ZNF521: variants seen among roughly 807,000 people sequenced by gnomAD.
The protein encoded by ZNF521 is LYST-interacting protein 3.
In ZNF521, 14 loss-of-function variants were observed where a neutral mutation model predicts 105.5. The observed-to-expected ratio is 0.13, with a 90% CI of 0.09 to 0.21. ZNF521 has a LOEUF of 0.21. Ranked by LOEUF, ZNF521 falls within the 10% of genes least tolerant of loss-of-function variation. ZNF521 has a pLI of 1.00. For missense variants in ZNF521, 1,233 were observed against 1,629.7 expected (o/e 0.76, Z 4.19); for synonymous variants, 635 against 606.0 (o/e 1.05, Z -0.70).
chr18:25,112,748 C>G (rs746378202), intron 5 of ZNF521, among the ~76,000 whole-genome samples: 1 of 152,142 alleles, frequency 6.6e-6, no homozygotes, highest in African/African-American at 2.4e-5. Context: ...ACAGCCTGTT[C>G]GTGTCTAACT....
rs143819136 is a variant in ZNF521 at position 25,283,063 on chromosome 18, C to T, written c.220+38945G>A. Reference sequence around the variant, plus strand: ...GCTTTGTGCAGGAAGCAGCTGGTACCTCTTTCTGTGTAATGGATGGGACAA... The same window carrying T: ...GCTTTGTGCAGGAAGCAGCTGGTACTTCTTTCTGTGTAATGGATGGGACAA... On this transcript the variant is annotated intron_variant, in intron 3 of 7. Transcript: ENST00000361524. Among the ~76,000 whole-genome samples, 66 of 152,346 alleles carry T rather than the reference C, an allele frequency of 4.3e-4. 1 individual carries two copies. The East Asian group carries it at 0.013, about 29-fold the overall frequency.
In ZNF521 at chr18:25,184,960, T is replaced by C. The variant is rs551168873; in HGVS notation, c.3658+10200A>G. 6.9e-4 allele frequency among the ~76,000 whole-genome samples: 105 copies of C among 152,324 alleles called. 1 individual carries two copies. The highest frequency in any genetic ancestry group is 3.4e-3 in the Middle Eastern group (1 of 294). Reference sequence around the variant, plus strand: ...TCCACATTATTTTGCTATTAGTTACTGGGTAAAAACAGTAGACCAGGGGCG... The same window carrying C: ...TCCACATTATTTTGCTATTAGTTACCGGGTAAAAACAGTAGACCAGGGGCG... On this transcript the variant is annotated intron_variant, in intron 5 of 7. Coordinates refer to ENST00000361524, the MANE Select transcript of ZNF521 (RefSeq NM_015461.3).
intron 3 of ZNF521, among the ~76,000 whole-genome samples, chr18:25,294,010 CAATCTTAAAA>C (rs1911181379): frequency 6.6e-6 from 1 of 152,226 alleles, no homozygotes; most frequent in South Asian, 2.1e-4. Flanking sequence ...CAGTAACCTA[CAATCTTAAAA>C]GGTTCATTTT....
chr18:25,297,142 C>A (rs200439764), intron 3 of ZNF521, among the ~76,000 whole-genome samples: 1 of 146,228 alleles, frequency 6.8e-6, no homozygotes, highest in African/African-American at 2.6e-5. Flanking sequence ...CACACACACA[C>A]ATATATATAT....
Position 25,116,984 on chromosome 18 carries a change from TAC to T in ZNF521, c.3659-24905_3659-24904del, listed in dbSNP as rs1260333877. Among the ~76,000 whole-genome samples, 109 of 116,206 alleles carry T rather than the reference TAC, an allele frequency of 9.4e-4. 1 individual carries two copies. Among genetic ancestry groups the T allele is most frequent in the African/African-American group, 3.3e-3 (98 of 29,310 alleles). 76.2% of individuals were successfully genotyped at this position (116,206 alleles called of 152,430 possible). A position where few individuals can be genotyped will look rare whatever the true frequency, so the allele number is the denominator to read the frequency against. ...ATATGTATATATATGTATATATATA[TAC>T]ACACACACATATATATACATACACA... On this transcript the variant is annotated intron_variant, in intron 5 of 7. Transcript: ENST00000361524.
Position 25,268,477 on chromosome 18 carries a change from G to A in ZNF521, c.221-40780C>T, listed in dbSNP as rs562222319. 5.3e-4 allele frequency among the ~76,000 whole-genome samples: 81 copies of A among 152,232 alleles called. 1 individual carries two copies. The highest frequency in any genetic ancestry group is 1.9e-3 in the African/African-American group (79 of 41,554). ...CAAAAAGAGACCAAGACACATAATC[G>A]TCAGATTCACCAAGGTTGAAATGAA... is the stretch of plus-strand genomic sequence containing the variant. On this transcript the variant is annotated intron_variant, in intron 3 of 7. Transcript: ENST00000361524.
chr18:25,325,600 T>C (rs1013330284), intron 2 of ZNF521, among the ~76,000 whole-genome samples: 1 of 152,246 alleles, frequency 6.6e-6, no homozygotes, highest in Non-Finnish European at 1.5e-5. Context: ...AACTGTGTCA[T>C]AGCTGCAGGC....
chr18:25,248,047 TA>T, intron 3 of ZNF521, among the ~76,000 whole-genome samples: 1 of 152,274 alleles, frequency 6.6e-6, no homozygotes, highest in East Asian at 1.9e-4. Context: ...ACTATTAGGA[TA>T]AAAATCATAG....
At chr18:25,092,112 T>G (rs780941168) in intron 5 of ZNF521, 31 bp from the exon 6 acceptor site, 2 of 1,612,674 alleles carry the variant, frequency 1.2e-6, no homozygotes, top group Non-Finnish European at 8.5e-7. Flanking sequence ...AGAGAAATGA[T>G]GAAAACCTGT....
intron 3 of ZNF521, among the ~76,000 whole-genome samples, chr18:25,243,371 A>G (rs1907481838): frequency 6.6e-6 from 1 of 152,202 alleles, no homozygotes; most frequent in South Asian, 2.1e-4. Context: ...TCAGGGTTAA[A>G]GAGACAACTC....
intron 7 of ZNF521, among the ~76,000 whole-genome samples, chr18:25,087,317 G>A (rs1048807628): frequency 6.6e-6 from 1 of 152,162 alleles, no homozygotes; most frequent in Non-Finnish European, 1.5e-5. Flanking sequence ...AGGAAACCTG[G>A]AATCTTGAAG....
chr18:25,212,509 C>CAAAACAA (rs2036199870), intron 4 of ZNF521, among the ~76,000 whole-genome samples: 1 of 21,698 alleles, frequency 4.6e-5, no homozygotes, highest in African/African-American at 2.0e-4. Flanking sequence ...GACTTAGTCT[C>CAAAACAA]AAAAAAAAAA....
chr18:25,341,115 A>G (rs997332706), intron 2 of ZNF521, among the ~76,000 whole-genome samples: 1 of 152,188 alleles, frequency 6.6e-6, no homozygotes, highest in Non-Finnish European at 1.5e-5. Context: ...AAGACACCCA[A>G]TATCATTATC....
intron 4 of ZNF521, among the ~76,000 whole-genome samples, chr18:25,220,330 G>A (rs960775977): frequency 2.0e-5 from 3 of 152,170 alleles, no homozygotes; most frequent in African/African-American, 4.8e-5. Context: ...ATAAAGTGAC[G>A]AATGCAGAAG....
intron 2 of ZNF521, among the ~76,000 whole-genome samples, chr18:25,334,356 G>A (rs776171086): frequency 3.9e-5 from 6 of 152,134 alleles, no homozygotes; most frequent in Non-Finnish European, 5.9e-5. Context: ...TTTGGTTTAT[G>A]ACGAGTCTTG....
At chr18:25,194,580 A>C (rs2035871980) in intron 5 of ZNF521, among the ~76,000 whole-genome samples, 1 of 151,760 alleles carries the variant, frequency 6.6e-6, no homozygotes. Context: ...TCCCCAAACT[A>C]CTTTTATTAA....
At chr18:25,310,238 T>C (rs1240565793) in intron 3 of ZNF521, among the ~76,000 whole-genome samples, 1 of 152,168 alleles carries the variant, frequency 6.6e-6, no homozygotes, top group South Asian at 2.1e-4. Context: ...TTGGAATTTT[T>C]ACTTGAAAAA....
intron 3 of ZNF521, among the ~76,000 whole-genome samples, chr18:25,232,766 C>A (rs1906619587): frequency 6.6e-6 from 1 of 152,232 alleles, no homozygotes; most frequent in Admixed American, 6.5e-5. Flanking sequence ...GCAATACAAT[C>A]ATTGCATTAT....
intron 5 of ZNF521, among the ~76,000 whole-genome samples, chr18:25,093,624 T>C (rs991822419): frequency 2.0e-5 from 3 of 152,274 alleles, no homozygotes; most frequent in Non-Finnish European, 2.9e-5. Context: ...AAGCAGAGGA[T>C]TGGAATTTGT....
Sources: allele counts gnomAD v4.1 joint callset (sites outside exome capture counted in the v4.1 genomes callset), GRCh38; gene constraint gnomAD v4.1.1; transcripts MANE v1.5; gene names NCBI Gene and HGNC (gene_info 2026-07-23, HGNC 2026-07-21).